Variants in RSRC1 observed in about 807,000 individuals in gnomAD.
RSRC1 encodes the protein serine/Arginine-related protein 53.
Under a neutral mutation model 49.1 loss-of-function variants are expected in RSRC1, and 39 were observed. The observed-to-expected ratio is 0.79, with a 90% confidence interval of 0.61 to 1.04. The LOEUF (loss-of-function observed/expected upper bound fraction) is 1.04, where lower values mean the gene tolerates loss of function less well. Among genes scored for constraint, RSRC1 ranks in the 50% least tolerant of loss-of-function variants. The pLI is 0.00. For missense variants in RSRC1, 388 were observed against 402.4 expected (o/e 0.96, Z 0.31); for synonymous variants, 143 against 130.8 (o/e 1.09, Z -0.63).
chr3:158,209,789 A>G lies in RSRC1; in HGVS notation c.494+6544A>G, dbSNP rs1721558906. 2.6e-5 allele frequency among the ~76,000 whole-genome samples: 4 copies of G among 152,102 alleles called. No homozygotes were observed. The South Asian group carries it at 8.3e-4, about 32-fold the overall frequency. The stretch of plus-strand genomic sequence containing the variant: ...GAGGTAAGAATTTGCCTCTGGATAT[A>G]TAATTTATTTTTCTATAATATGGGG... On this transcript the variant is annotated intron_variant, in intron 4 of 9. Transcript: ENST00000611884.
intron 1 of RSRC1, among the ~76,000 whole-genome samples, chr3:158,119,440 T>A (rs1715097025): frequency 6.6e-6 from 1 of 152,214 alleles, no homozygotes; most frequent in Non-Finnish European, 1.5e-5. Flanking sequence ...TATTTTGGTA[T>A]TTTTTAAAAC....
intron 4 of RSRC1, among the ~76,000 whole-genome samples, chr3:158,215,250 A>G (rs1248399357): frequency 2.0e-5 from 3 of 149,400 alleles, no homozygotes; most frequent in African/African-American, 7.3e-5. Context: ...TTTACTTTTT[A>G]ACATGCTTAC....
At chr3:158,289,443 A>G (rs1726781100) in intron 4 of RSRC1, among the ~76,000 whole-genome samples, 1 of 152,250 alleles carries the variant, frequency 6.6e-6, no homozygotes, top group Non-Finnish European at 1.5e-5. Context: ...ATTTGTCTAT[A>G]AAACTAAAGG....
intron 4 of RSRC1, among the ~76,000 whole-genome samples, chr3:158,277,640 G>C (rs1725893421): frequency 6.6e-6 from 1 of 152,164 alleles, no homozygotes; most frequent in Non-Finnish European, 1.5e-5. Flanking sequence ...GACAGCATGG[G>C]AAGTATATAA....
intron 4 of RSRC1, among the ~76,000 whole-genome samples, chr3:158,296,043 C>A (rs1727218967): frequency 1.3e-5 from 2 of 152,094 alleles, no homozygotes; most frequent in South Asian, 4.1e-4. Flanking sequence ...CTTAACCTTT[C>A]TAAAATCTGA....
At chr3:158,447,742 T>C (rs1736798671) in intron 6 of RSRC1, among the ~76,000 whole-genome samples, 1 of 151,882 alleles carries the variant, frequency 6.6e-6, no homozygotes, top group African/African-American at 2.4e-5. Context: ...ACACATGATA[T>C]AAATAAAAAT....
chr3:158,259,947 C>T (rs967192902), intron 4 of RSRC1, among the ~76,000 whole-genome samples: 5 of 151,926 alleles, frequency 3.3e-5, no homozygotes, highest in Non-Finnish European at 5.9e-5. Context: ...GTTAATGTTG[C>T]CATGTCTGGG....
chr3:158,258,917 T>A (rs1021201442), intron 4 of RSRC1, among the ~76,000 whole-genome samples: 1 of 152,160 alleles, frequency 6.6e-6, no homozygotes, highest in African/African-American at 2.4e-5. Context: ...TGCAGTCTTT[T>A]TATTAAATTT....
At chr3:158,384,351 T>TA (rs1376536019) in intron 6 of RSRC1, among the ~76,000 whole-genome samples, 1 of 152,074 alleles carries the variant, frequency 6.6e-6, no homozygotes, top group African/African-American at 2.4e-5. Flanking sequence ...GCTGAAGTAA[T>TA]ATAGGCAAGC....
At chr3:158,345,842 A>G (rs1483398442) in intron 5 of RSRC1, among the ~76,000 whole-genome samples, 2 of 148,060 alleles carry the variant, frequency 1.4e-5, no homozygotes, top group Non-Finnish European at 3.0e-5. Flanking sequence ...ATAATAAACA[A>G]TAATATATAT....
chr3:158,375,300 G>A (rs1732303367), intron 6 of RSRC1, among the ~76,000 whole-genome samples: 2 of 151,324 alleles, frequency 1.3e-5, no homozygotes, highest in East Asian at 3.9e-4. Flanking sequence ...GGACTCAGGT[G>A]AGCCTCCCAC....
chr3:158,199,987 A>ATG (rs1002821179), intron 3 of RSRC1, among the ~76,000 whole-genome samples: 6 of 152,012 alleles, frequency 3.9e-5, no homozygotes, highest in Admixed American at 6.6e-5. Context: ...ACATTAATAT[A>ATG]TTAACTTTAG....
At chr3:158,394,283 C>T (rs998481532) in intron 6 of RSRC1, among the ~76,000 whole-genome samples, 11 of 151,740 alleles carry the variant, frequency 7.2e-5, no homozygotes, top group Non-Finnish European at 1.3e-4. Context: ...TTTTCAACAT[C>T]GTATTGGAAG....
intron 6 of RSRC1, among the ~76,000 whole-genome samples, chr3:158,387,791 G>T (rs576799393): frequency 2.6e-5 from 4 of 151,996 alleles, no homozygotes; most frequent in African/African-American, 7.2e-5. Context: ...TTTTTAAAAC[G>T]TTTGCTTTAA....
intron 6 of RSRC1, among the ~76,000 whole-genome samples, chr3:158,443,983 T>C (rs1285653605): frequency 6.6e-6 from 1 of 152,120 alleles, no homozygotes; most frequent in African/African-American, 2.4e-5. Flanking sequence ...CATACACTTA[T>C]CAATTAAGTT....
chr3:158,479,405 A>G (rs1738521110), intron 7 of RSRC1, among the ~76,000 whole-genome samples: 1 of 151,774 alleles, frequency 6.6e-6, no homozygotes, highest in African/African-American at 2.4e-5. Flanking sequence ...CCACTGCCCT[A>G]TTCCATTCAT....
At chr3:158,285,432 A>C (rs979457431) in intron 4 of RSRC1, among the ~76,000 whole-genome samples, 4 of 152,334 alleles carry the variant, frequency 2.6e-5, no homozygotes, top group South Asian at 2.1e-4. Context: ...TCTGTGAAGA[A>C]AGTCATTGGT....
At chr3:158,250,022 TTG>T in intron 4 of RSRC1, among the ~76,000 whole-genome samples, 1 of 152,276 alleles carries the variant, frequency 6.6e-6, no homozygotes, top group South Asian at 2.1e-4. Context: ...ATGAATTCAA[TTG>T]TTTTAATTTT....
At position 158,271,953 on chromosome 3, in the gene RSRC1, A is replaced by T. The variant is rs950784596; in HGVS notation, c.495-26086A>T. 3.3e-5 allele frequency among the ~76,000 whole-genome samples: 5 copies of T among 152,172 alleles called. No individual in the cohort carries two copies. In the East Asian group the frequency reaches 9.6e-4, roughly 29 times the overall value. ...GTATAATAGCATTGTATTTGCATATAATCATTTTAATAATTTTTGTTTAAT... is the reference window on the plus strand; with the variant it reads ...GTATAATAGCATTGTATTTGCATATTATCATTTTAATAATTTTTGTTTAAT... On this transcript the variant is annotated intron_variant, in intron 4 of 9. Transcript: ENST00000611884.
Sources: gnomAD v4.1 joint callset for allele counts (sites outside exome capture counted in the v4.1 genomes callset) on GRCh38, gnomAD v4.1.1 for gene constraint, MANE v1.5 for transcripts, NCBI Gene and HGNC (gene_info 2026-07-23, HGNC 2026-07-21) for gene names.